Variants in NCALD observed in about 807,000 individuals in gnomAD.
The protein encoded by NCALD is neurocalcin delta.
Under a neutral mutation model 18.6 loss-of-function variants are expected in NCALD, and 10 were observed. The ratio of observed to expected loss-of-function variants is 0.54; its 90% CI spans 0.33 to 0.91. NCALD has a LOEUF of 0.91. Among genes scored for constraint, NCALD ranks in the 40% least tolerant of loss-of-function variants. NCALD has a pLI of 0.03. For missense variants in NCALD, 184 were observed against 247.6 expected, an observed-to-expected ratio of 0.74 and a Z score of 1.72; for synonymous variants, 88 against 87.4, an observed-to-expected ratio of 1.01 and a Z score of -0.04.
chr8:101,814,363 G>A lies in NCALD; in HGVS notation c.-20+72778C>T, dbSNP rs140055603. On this transcript the variant is annotated intron_variant, in intron 4 of 6. Coordinates refer to the NCALD transcript ENST00000311028. ...TCAAAATCAATTAATGTAATTAATCGCATCAACAGGCTAAAAAAGAAATAT... is the reference window on the plus strand; with the variant it reads ...TCAAAATCAATTAATGTAATTAATCACATCAACAGGCTAAAAAAGAAATAT... 6.0e-3 allele frequency among the ~76,000 whole-genome samples: 908 copies of A among 151,932 alleles called. 11 individuals carry two copies. The highest frequency in any genetic ancestry group is 0.019 in the African/African-American group (782 of 41,442).
chr8:102,074,925 C>T (rs1198448376), intron 1 of NCALD, among the ~76,000 whole-genome samples: 1 of 152,120 alleles, frequency 6.6e-6, no homozygotes, highest in African/African-American at 2.4e-5. Flanking sequence ...TGTTGTACTG[C>T]TCCATCATTT....
At chr8:101,858,260 T>C (rs1174673042) in intron 4 of NCALD, among the ~76,000 whole-genome samples, 3 of 152,256 alleles carry the variant, frequency 2.0e-5, no homozygotes, top group Admixed American at 6.5e-5. Context: ...TCATTGGATC[T>C]ATAGAGTGGA....
upstream of NCALD, among the ~76,000 whole-genome samples, chr8:101,793,643 CAT>C (rs1306611705): frequency 3.9e-5 from 6 of 152,308 alleles, no homozygotes; most frequent in East Asian, 1.9e-4. Flanking sequence ...AGGAAATACA[CAT>C]GAGAGCTTTC....
At chr8:102,067,086 G>T (rs1255918157) in intron 1 of NCALD, among the ~76,000 whole-genome samples, 1 of 152,186 alleles carries the variant, frequency 6.6e-6, no homozygotes, top group Non-Finnish European at 1.5e-5. Flanking sequence ...AAATGGAAAT[G>T]ATAAAATTAT....
intron 4 of NCALD, among the ~76,000 whole-genome samples, chr8:101,865,325 C>T (rs1033569990): frequency 9.9e-5 from 15 of 152,252 alleles, no homozygotes; most frequent in South Asian, 4.2e-4. Context: ...CAAATATTTT[C>T]CCTGAGTTTG....
chr8:101,922,355 GAGA>G (rs1818196754), intron 2 of NCALD, among the ~76,000 whole-genome samples: 1 of 152,130 alleles, frequency 6.6e-6, no homozygotes, highest in Non-Finnish European at 1.5e-5. Flanking sequence ...GTGAGACCAA[GAGA>G]AGAAGAATTC....
chr8:102,102,762 T>C (rs1587086853), intron 1 of NCALD, among the ~76,000 whole-genome samples: 2 of 152,108 alleles, frequency 1.3e-5, no homozygotes, highest in Admixed American at 1.3e-4. Flanking sequence ...GTTGCATTTA[T>C]GAAAGTTTAA....
chr8:102,003,694 T>C (rs1479646801), intron 2 of NCALD, among the ~76,000 whole-genome samples: 1 of 152,228 alleles, frequency 6.6e-6, no homozygotes, highest in South Asian at 2.1e-4. Context: ...TCAAGTGGGC[T>C]TCATCCCTGG....
At chr8:102,038,109 C>G (rs941747930) in intron 1 of NCALD, among the ~76,000 whole-genome samples, 1 of 152,082 alleles carries the variant, frequency 6.6e-6, no homozygotes, top group African/African-American at 2.4e-5. Context: ...GGGTTTTATG[C>G]CACATGACTC....
chr8:101,873,406 TACTC>T (rs1816098763), intron 4 of NCALD, among the ~76,000 whole-genome samples: 1 of 152,248 alleles, frequency 6.6e-6, no homozygotes, highest in South Asian at 2.1e-4. Flanking sequence ...CCATTGGAAT[TACTC>T]AAGACAGTTT....
chr8:101,704,092 C>G (rs1815398949), intron 2 of NCALD, among the ~76,000 whole-genome samples: 1 of 152,110 alleles, frequency 6.6e-6, no homozygotes, highest in Non-Finnish European at 1.5e-5. Flanking sequence ...GAGTGCTGCT[C>G]TCGTGTCAGC....
At position 101,819,267 on chromosome 8, in the gene NCALD, ATTTATTTATTTAT is replaced by A. The variant is rs1563799013; in HGVS notation, c.-20+67861_-20+67873del. Among the ~76,000 whole-genome samples the A allele has an allele frequency of 2.8e-3, 418 of 147,588 alleles. 2 individuals are homozygous for A. The highest frequency in any genetic ancestry group is 4.4e-3 in the Non-Finnish European group (294 of 66,886). On this transcript the variant is annotated intron_variant, in intron 4 of 6. Coordinates refer to the NCALD transcript ENST00000311028. ...TGTTTACTTATAAATACATAACTTT[ATTTATTTATTTAT>A]TTATTTATTTATTTATTTATTTATT...
intron 4 of NCALD, among the ~76,000 whole-genome samples, chr8:101,859,221 G>C (rs1309038409): frequency 6.6e-6 from 1 of 152,178 alleles, no homozygotes; most frequent in East Asian, 1.9e-4. Flanking sequence ...TCGAACATCA[G>C]ACTTCAAGTT....
intron 3 of NCALD, among the ~76,000 whole-genome samples, chr8:101,889,184 A>G (rs1205304148): frequency 1.3e-5 from 2 of 152,224 alleles, no homozygotes; most frequent in African/African-American, 4.8e-5. Context: ...GCAGTCATGA[A>G]GTCACAAGCA....
chr8:101,924,588 C>T (rs1818275084), intron 2 of NCALD, among the ~76,000 whole-genome samples: 2 of 152,178 alleles, frequency 1.3e-5, no homozygotes, highest in Admixed American at 1.3e-4. Flanking sequence ...CTCAGGGGCA[C>T]TTAGCATAAG....
At chr8:102,021,079 A>AT (rs1377183332) in intron 1 of NCALD, among the ~76,000 whole-genome samples, 3 of 152,080 alleles carry the variant, frequency 2.0e-5, no homozygotes, top group African/African-American at 4.8e-5. Flanking sequence ...AGAACACTGC[A>AT]TTTTTTCTTT....
chr8:101,693,126 C>T (rs1020264088), intron 2 of NCALD: 20 of 416,850 alleles, frequency 4.8e-5, no homozygotes, highest in Admixed American at 1.1e-4. Flanking sequence ...AGCAGGAAGA[C>T]CCAGTAGACC....
At chr8:101,782,069 ATATATTG>A (rs1316134657) in intron 1 of NCALD, among the ~76,000 whole-genome samples, 5 of 80,192 alleles carry the variant, frequency 6.2e-5, no homozygotes, top group Non-Finnish European at 1.8e-4. Context: ...TTCAGTATAT[ATATATTG>A]TATGTTTTAT....
intron 2 of NCALD, among the ~76,000 whole-genome samples, chr8:101,713,302 T>C (rs977006017): frequency 2.0e-5 from 3 of 152,138 alleles, no homozygotes; most frequent in Non-Finnish European, 4.4e-5. Context: ...TTTATAGCAC[T>C]AAATGCCCAC....
Sources: allele counts gnomAD v4.1 joint callset (sites outside exome capture counted in the v4.1 genomes callset), GRCh38; gene constraint gnomAD v4.1.1; transcripts MANE v1.5; gene names NCBI Gene and HGNC (gene_info 2026-07-23, HGNC 2026-07-21).